Variants in TAFA4 observed in about 807,000 individuals in gnomAD.
The protein encoded by TAFA4 is TAFA chemokine like family member 4.
Under a neutral mutation model 21.1 loss-of-function variants are expected in TAFA4, and 20 were observed. The ratio of observed to expected loss-of-function variants is 0.95; its 90% confidence interval spans 0.67 to 1.38. The LOEUF (loss-of-function observed/expected upper bound fraction) is 1.38. TAFA4 is among the 40% of genes most tolerant of loss of function. The probability of loss-of-function intolerance (pLI) is 0.00; values close to 1 mark genes in which losing one functional copy is unlikely to be tolerated. For missense variants in TAFA4, 211 were observed against 180.9 expected (o/e 1.17, Z -0.95); for synonymous variants, 71 against 67.4 (o/e 1.05, Z -0.26).
At chr3:68,760,376 A>T (rs1702738519) in intron 3 of TAFA4, among the ~76,000 whole-genome samples, 1 of 152,202 alleles carries the variant, frequency 6.6e-6, no homozygotes, top group African/African-American at 2.4e-5. Context: ...ACAAAACCAC[A>T]TCTGCAATAG....
intron 3 of TAFA4, among the ~76,000 whole-genome samples, chr3:68,840,484 T>A (rs923511): frequency 0.31 from 46,822 of 151,874 alleles, 7,578 homozygotes; most frequent in Non-Finnish European, 0.37. Context: ...CCCAAATTGC[T>A]GGGACTGCAG....
At chr3:68,878,947 G>A (rs1483285551) in intron 3 of TAFA4, among the ~76,000 whole-genome samples, 3 of 152,116 alleles carry the variant, frequency 2.0e-5, no homozygotes, top group African/African-American at 2.4e-5. Flanking sequence ...CCAAAACTGG[G>A]GGGGAGATTC....
In TAFA4 at chr3:68,877,782, A is replaced by T. The variant is rs995724029; in HGVS notation, c.130+2948T>A. Among the ~76,000 whole-genome samples, 3 of 152,142 alleles carry T rather than the reference A, an allele frequency of 2.0e-5. No individual in the cohort carries two copies. In the East Asian group the frequency reaches 5.8e-4, roughly 29 times the overall value. On this transcript the variant is annotated intron_variant, in intron 3 of 5. Coordinates refer to ENST00000295569, the MANE Select transcript of TAFA4 (RefSeq NM_182522.5). ...AGGCTCTGACCACATCTACCTACCCATGCTCACAGTCTTCAGCTGTTCCTG... is the reference window on the plus strand; with the variant it reads ...AGGCTCTGACCACATCTACCTACCCTTGCTCACAGTCTTCAGCTGTTCCTG...
intron 4 of TAFA4, among the ~76,000 whole-genome samples, chr3:68,742,983 C>A (rs1337923488): frequency 3.3e-5 from 5 of 152,284 alleles, no homozygotes; most frequent in South Asian, 4.2e-4. Context: ...CACTATGTGG[C>A]ATGATGAGAG....
At chr3:68,830,794 A>C (rs1375169126) in intron 3 of TAFA4, among the ~76,000 whole-genome samples, 1 of 152,164 alleles carries the variant, frequency 6.6e-6, no homozygotes, top group African/African-American at 2.4e-5. Context: ...GAGGTGTTAA[A>C]GTCTCCCATT....
chr3:68,785,597 G>A (rs116329698), intron 3 of TAFA4, among the ~76,000 whole-genome samples: 2,632 of 152,336 alleles, frequency 0.017, 78 homozygotes, highest in African/African-American at 0.06. Context: ...CCTGGAACTC[G>A]CGCTAGCCCA....
At chr3:68,748,565 A>T (rs1702503682) in intron 4 of TAFA4, among the ~76,000 whole-genome samples, 1 of 151,852 alleles carries the variant, frequency 6.6e-6, no homozygotes, top group Non-Finnish European at 1.5e-5. Flanking sequence ...ACATGGGGAG[A>T]CCCCCGTCTC....
At chr3:68,742,196 A>T (rs1702369346) in intron 4 of TAFA4, among the ~76,000 whole-genome samples, 1 of 152,370 alleles carries the variant, frequency 6.6e-6, no homozygotes, top group Non-Finnish European at 1.5e-5. Context: ...AGATAATTTT[A>T]TACAGAAGGA....
At chr3:68,781,750 T>A (rs922452241) in intron 3 of TAFA4, among the ~76,000 whole-genome samples, 6 of 152,180 alleles carry the variant, frequency 3.9e-5, no homozygotes, top group African/African-American at 1.4e-4. Context: ...GAACATTTAC[T>A]ACCTCATTTT....
chr3:68,742,251 A>G (rs1376821934), intron 4 of TAFA4, among the ~76,000 whole-genome samples: 5 of 99,548 alleles, frequency 5.0e-5, no homozygotes, highest in Non-Finnish European at 8.4e-5. Flanking sequence ...AGACATGGAT[A>G]TCTACGCTCA....
Position 68,824,107 on chromosome 3 carries a change from C to T in TAFA4, c.130+56623G>A, listed in dbSNP as rs1479295699. Among the ~76,000 whole-genome samples, 3 of 152,182 alleles carry T rather than the reference C, an allele frequency of 2.0e-5. No homozygotes were observed. In the East Asian group the frequency reaches 5.8e-4, roughly 29 times the overall value. On this transcript the variant is annotated intron_variant, in intron 3 of 5. Coordinates refer to ENST00000295569, the MANE Select transcript of TAFA4 (RefSeq NM_182522.5). ...GGAAGGAAGCTGAAAGCTGGAGAGG[C>T]TAAATAACTGCCCTAAGTTATTTTT...
chr3:68,792,554 C>G (rs1402423702), intron 3 of TAFA4, among the ~76,000 whole-genome samples: 1 of 152,130 alleles, frequency 6.6e-6, no homozygotes, highest in Non-Finnish European at 1.5e-5. Context: ...TATTCTTTCT[C>G]TATTTCAGAT....
chr3:68,776,861 C>T (rs189574828), intron 3 of TAFA4, among the ~76,000 whole-genome samples: 61 of 152,036 alleles, frequency 4.0e-4, no homozygotes, highest in African/African-American at 1.3e-3. Context: ...TCAGAAAAAC[C>T]ATTTGGAAAT....
At chr3:68,799,972 G>A (rs1703539290) in intron 3 of TAFA4, among the ~76,000 whole-genome samples, 1 of 152,110 alleles carries the variant, frequency 6.6e-6, no homozygotes, top group Non-Finnish European at 1.5e-5. Context: ...AACCGCACAT[G>A]TGGGGGATCT....
At chr3:68,880,934 G>A in intron 2 of TAFA4, 89 bp from the exon 3 acceptor site, 3 of 936,518 alleles carry the variant, frequency 3.2e-6, no homozygotes, top group Non-Finnish European at 5.0e-6. Flanking sequence ...GGAGAAAGCA[G>A]GGGCAGATCC....
chr3:68,781,077 G>T (rs949094295), intron 3 of TAFA4, among the ~76,000 whole-genome samples: 2 of 151,904 alleles, frequency 1.3e-5, no homozygotes, highest in African/African-American at 4.8e-5. Context: ...AAGTATTTTA[G>T]AATATGTTTT....
At chr3:68,852,593 G>A (rs970362234) in intron 3 of TAFA4, among the ~76,000 whole-genome samples, 2 of 152,120 alleles carry the variant, frequency 1.3e-5, no homozygotes, top group East Asian at 1.9e-4. Flanking sequence ...CCCAGGGTAG[G>A]GGGTGTAATT....
intron 1 of TAFA4, among the ~76,000 whole-genome samples, chr3:68,916,707 A>G (rs1200869448): frequency 1.3e-5 from 2 of 152,198 alleles, no homozygotes; most frequent in Admixed American, 6.5e-5. Flanking sequence ...CAGAATCACC[A>G]GGGCCTCAGG....
chr3:68,752,981 G>T lies in TAFA4; in HGVS notation c.168C>A (p.Val56=), dbSNP rs201978822. 294 of 1,613,728 alleles carry T rather than the reference G, an allele frequency of 1.8e-4. 1 individual carries two copies. The highest frequency in any genetic ancestry group is 2.7e-4 in the Admixed American group (16 of 59,990). The part of the protein sequence containing the change: ...HQIKQGTCEV[V]AVHRCCNKNR... The stretch of plus-strand genomic sequence containing the variant: ...TCTTATTGCAGCACCTGTGCACGGC[G>T]ACCACCTCACAGGTCCCTTGCTTGA... The change falls in exon 4 of 6, where the codon GTC becomes GTA. Residue 56 remains valine (V), a synonymous_variant. Transcript: ENST00000295569.
Sources: gnomAD v4.1 joint callset for allele counts (sites outside exome capture counted in the v4.1 genomes callset) on GRCh38, gnomAD v4.1.1 for gene constraint, MANE v1.5 for transcripts, NCBI Gene and HGNC (gene_info 2026-07-23, HGNC 2026-07-21) for gene names.